SEMA6A: variants seen among roughly 807,000 people sequenced by gnomAD.
SEMA6A encodes the protein semaphorin 6A.
In SEMA6A, 25 loss-of-function variants were observed where a neutral mutation model predicts 96.8. The observed-to-expected ratio is 0.26, with a 90% CI of 0.19 to 0.36. The LOEUF (loss-of-function observed/expected upper bound fraction) is 0.36. Among genes scored for constraint, SEMA6A ranks in the 10% least tolerant of loss-of-function variants. The probability of loss-of-function intolerance (pLI) is 1.00; values close to 1 mark genes in which losing one functional copy is unlikely to be tolerated. For missense variants in SEMA6A, 1,363 were observed against 1,323.1 expected (o/e 1.03, Z -0.47); for synonymous variants, 612 against 518.0 (o/e 1.18, Z -2.46).
intron 18 of SEMA6A, among the ~76,000 whole-genome samples, chr5:116,465,175 G>T (rs948728816): frequency 4.6e-5 from 7 of 152,106 alleles, no homozygotes; most frequent in African/African-American, 1.7e-4. Flanking sequence ...CGACATCAGG[G>T]AATGAAAAGA....
chr5:116,526,462 ATGTT>A (rs1394796792), intron 1 of SEMA6A, among the ~76,000 whole-genome samples: 2 of 152,216 alleles, frequency 1.3e-5, no homozygotes, highest in Non-Finnish European at 2.9e-5. Context: ...GGGCAAATGA[ATGTT>A]TGATTGGTAA....
chr5:116,539,107 C>A (rs1759851646), intron 1 of SEMA6A, among the ~76,000 whole-genome samples: 2 of 152,178 alleles, frequency 1.3e-5, no homozygotes, highest in Non-Finnish European at 2.9e-5. Flanking sequence ...TTATCTACCA[C>A]AACCCAATGT....
At chr5:116,487,990 C>T (rs1390751758) in intron 9 of SEMA6A, 118 bp downstream of exon 9, 5 of 608,392 alleles carry the variant, frequency 8.2e-6, no homozygotes, top group African/African-American at 3.8e-5. Flanking sequence ...GCCTCCAGAC[C>T]GCACTCTGTT....
At chr5:116,528,836 C>T (rs1234009793) in intron 1 of SEMA6A, among the ~76,000 whole-genome samples, 1 of 152,192 alleles carries the variant, frequency 6.6e-6, no homozygotes. Flanking sequence ...GATAATCATC[C>T]GTTCTACCGC....
intron 3 of SEMA6A, among the ~76,000 whole-genome samples, chr5:116,497,901 A>T (rs1757680607): frequency 6.6e-6 from 1 of 152,208 alleles, no homozygotes; most frequent in Admixed American, 6.5e-5. Context: ...ATGACGACAA[A>T]GGTAAAATTA....
rs536105210 is a variant in SEMA6A, at chr5:116,514,688, C to T, written c.-38-9706G>A. 5.9e-5 allele frequency among the ~76,000 whole-genome samples: 9 copies of T among 152,292 alleles called. No individual in the cohort carries two copies. The South Asian group carries it at 1.0e-3, about 18-fold the overall frequency. On this transcript the variant is annotated intron_variant, in intron 1 of 18. Transcript: ENST00000343348. Reference sequence around the variant, plus strand: ...TAGTGAGCTCTTTCCCTGCCTTATGCTACTTTCAGAAGGGAGCCAAAATTC... The same window carrying T: ...TAGTGAGCTCTTTCCCTGCCTTATGTTACTTTCAGAAGGGAGCCAAAATTC...
intron 1 of SEMA6A, among the ~76,000 whole-genome samples, chr5:116,521,612 G>C (rs1758950840): frequency 6.6e-6 from 1 of 152,146 alleles, no homozygotes; most frequent in Non-Finnish European, 1.5e-5. Context: ...ATGGCCAGTT[G>C]GGGGATGTTT....
In SEMA6A at chr5:116,446,714, A is replaced by C; in HGVS notation, c.2992T>G (p.Ser998Ala). 2 of 1,597,842 alleles carry C rather than the reference A, an allele frequency of 1.3e-6. No individual in the cohort carries two copies. The highest frequency in any genetic ancestry group is 1.7e-6 in the Non-Finnish European group (2 of 1,171,686). ...AGCGAGGGCGTACGCTTCAGCCCCG[A>C]CCTTGTCAGTGAGTTGTAGGCGTTG... ...SLNAYNSLTR[S>A]GLKRTPSLKP... The change falls in exon 19 of 19, where the codon TCG (serine) becomes GCG (alanine). Residue 998 changes from serine (S) to alanine (A), a missense_variant. Ser to Ala is a moderately conservative substitution (Grantham distance 99). Transcript: ENST00000343348.
chr5:116,490,583 CG>C (rs1318484302), intron 7 of SEMA6A, among the ~76,000 whole-genome samples: 5 of 152,164 alleles, frequency 3.3e-5, no homozygotes, highest in Admixed American at 6.5e-5. Flanking sequence ...GTATTCTTGA[CG>C]GAACTGCTTC....
chr5:116,543,961 TTGCTTATATGACAGTAAA>T (rs1760081833), intron 1 of SEMA6A, among the ~76,000 whole-genome samples: 1 of 152,222 alleles, frequency 6.6e-6, no homozygotes, highest in Admixed American at 6.5e-5. Context: ...TGCAAGGTCT[TTGCTTATATGACAGTAAA>T]TGTTCTCTGT....
intron 10 of SEMA6A, among the ~76,000 whole-genome samples, chr5:116,485,219 T>C (rs562205643): frequency 1.9e-4 from 29 of 152,286 alleles, no homozygotes; most frequent in African/African-American, 7.0e-4. Context: ...GAGTTATCTA[T>C]AATATTTAAG....
At chr5:116,573,148 G>A (rs529286150) in intron 1 of SEMA6A, among the ~76,000 whole-genome samples, 12 of 152,318 alleles carry the variant, frequency 7.9e-5, no homozygotes, top group Non-Finnish European at 1.2e-4. Flanking sequence ...GCCCCAGAAG[G>A]ATCAGGCAGG....
intron 17 of SEMA6A, 196 bp from the exon 18 acceptor site, chr5:116,467,943 G>A: frequency 1.7e-6 from 1 of 583,048 alleles, no homozygotes; most frequent in Non-Finnish European, 3.0e-6. Context: ...AAAGCCCATT[G>A]AACTTGTAGT....
intron 18 of SEMA6A, among the ~76,000 whole-genome samples, chr5:116,448,755 C>CAAAAAA (rs3984966): frequency 0.013 from 1,368 of 106,372 alleles, 48 homozygotes; most frequent in African/African-American, 0.044. Context: ...CATCACCTCT[C>CAAAAAA]AAAAAAAAAA....
chr5:116,483,987 C>T (rs1168526339), intron 10 of SEMA6A, among the ~76,000 whole-genome samples: 1 of 150,574 alleles, frequency 6.6e-6, no homozygotes, highest in Non-Finnish European at 1.5e-5. Context: ...TTGCTTGAAC[C>T]TGGGAAGTGG....
chr5:116,469,615 C>A (rs540591018), intron 17 of SEMA6A: 26 of 152,274 alleles, frequency 1.7e-4, no homozygotes, highest in African/African-American at 6.3e-4. Context: ...AGCAAGATTT[C>A]TTTTACCTGA....
At chr5:116,552,219 T>C (rs1285725231) in intron 1 of SEMA6A, among the ~76,000 whole-genome samples, 1 of 148,020 alleles carries the variant, frequency 6.8e-6, no homozygotes, top group Non-Finnish European at 1.5e-5. Context: ...GATGTACACA[T>C]TTCCTTTAAA....
chr5:116,516,439 A>G (rs534262751), intron 1 of SEMA6A, among the ~76,000 whole-genome samples: 33 of 151,792 alleles, frequency 2.2e-4, no homozygotes, highest in Non-Finnish European at 1.3e-4. Context: ...CTCAGTGAAA[A>G]CTGCAAACCC....
rs1175250506 is a variant in SEMA6A, at chr5:116,500,832, C to A, written c.218+1378G>T. On this transcript the variant is annotated intron_variant, in intron 3 of 18. Transcript: ENST00000343348. ...ACCAGCCTGGCTAACATGGTGGAAC[C>A]CCATCTCTACTAAAAATACAAAAAT... 2.0e-5 allele frequency among the ~76,000 whole-genome samples: 3 copies of A among 152,058 alleles called. No individual in the cohort carries two copies. In the East Asian group the frequency reaches 5.8e-4, roughly 29 times the overall value.
Sources: allele counts gnomAD v4.1 joint callset (sites outside exome capture counted in the v4.1 genomes callset), GRCh38; gene constraint gnomAD v4.1.1; transcripts MANE v1.5; gene names NCBI Gene and HGNC (gene_info 2026-07-23, HGNC 2026-07-21).